ANKRD6: variants seen among roughly 807,000 people sequenced by gnomAD.
ANKRD6 encodes ankyrin repeat domain-containing protein 6.
ANKRD6 carries 56 observed loss-of-function variants against 82.3 expected under a neutral mutation model. The observed-to-expected ratio is 0.68, with a 90% CI of 0.55 to 0.85. ANKRD6 has a LOEUF of 0.85. Ranked by LOEUF, ANKRD6 falls within the 40% of genes least tolerant of loss-of-function variation. ANKRD6 has a pLI of 0.00. For synonymous variants in ANKRD6, 347 were observed against 352.1 expected, an observed-to-expected ratio of 0.99 and a Z score of 0.16; for missense variants, 852 against 907.6, an observed-to-expected ratio of 0.94 and a Z score of 0.79.
rs1785220605 is a variant in ANKRD6 at position 89,547,266 on chromosome 6, C to T, written c.-143-19568C>T. Among the ~76,000 whole-genome samples, 2 of 152,096 alleles carry T rather than the reference C, an allele frequency of 1.3e-5. 1 individual carries two copies. The highest frequency in any genetic ancestry group is 4.8e-5 in the African/African-American group (2 of 41,400). On this transcript the variant is annotated intron_variant, in intron 1 of 15. Transcript: ENST00000339746. ...ATGTAGGGGGCAGTGGTTAATCTGG[C>T]AAGGGTTGGTCTTAGAGGTGGGAAA...
chr6:89,537,896 A>AAAAAAAAAAAAAAAAAAG (rs1784034233), intron 1 of ANKRD6, among the ~76,000 whole-genome samples: 1 of 133,132 alleles, frequency 7.5e-6, no homozygotes, highest in Non-Finnish European at 1.6e-5. Flanking sequence ...AAAAAAAAAA[A>AAAAAAAAAAAAAAAAAAG]AAAAGAAAAG....
intron 1 of ANKRD6, among the ~76,000 whole-genome samples, chr6:89,480,485 TAAC>T (rs1459170488): frequency 6.6e-6 from 1 of 152,008 alleles, no homozygotes; most frequent in Non-Finnish European, 1.5e-5. Flanking sequence ...TTTAGTCACT[TAAC>T]AAAGTAATAA....
At chr6:89,522,203 T>C (rs1222029940) in intron 1 of ANKRD6, among the ~76,000 whole-genome samples, 2 of 152,220 alleles carry the variant, frequency 1.3e-5, no homozygotes, top group Non-Finnish European at 1.5e-5. Flanking sequence ...TGCAAGAATG[T>C]CTACATGATA....
intron 2 of ANKRD6, among the ~76,000 whole-genome samples, chr6:89,594,230 A>G (rs1182479624): frequency 2.0e-5 from 3 of 152,142 alleles, no homozygotes; most frequent in Non-Finnish European, 4.4e-5. Flanking sequence ...AGGCAGGCGG[A>G]TCACTTGAGC....
chr6:89,462,686 A>G (rs932332178), intron 1 of ANKRD6, among the ~76,000 whole-genome samples: 24 of 152,150 alleles, frequency 1.6e-4, no homozygotes, highest in African/African-American at 5.5e-4. Context: ...TAGAGACAGA[A>G]CAAAGTCTAT....
At chr6:89,622,427 C>T (rs1413881669) in intron 10 of ANKRD6, among the ~76,000 whole-genome samples, 1 of 152,190 alleles carries the variant, frequency 6.6e-6, no homozygotes, top group Non-Finnish European at 1.5e-5. Context: ...TCTTGGGCCT[C>T]ACCTCAAACC....
At chr6:89,629,968 T>G (rs1390945863) in intron 15 of ANKRD6, among the ~76,000 whole-genome samples, 1 of 152,190 alleles carries the variant, frequency 6.6e-6, no homozygotes, top group African/African-American at 2.4e-5. Context: ...GGGCCTCCTT[T>G]CCAAATTGGA....
chr6:89,539,873 C>CA (rs749956078), intron 1 of ANKRD6, among the ~76,000 whole-genome samples: 2,522 of 135,070 alleles, frequency 0.019, 24 homozygotes, highest in South Asian at 0.051. Flanking sequence ...TTGGATTCTA[C>CA]AAAAAAAAAA....
At chr6:89,440,617 T>C (rs543276990) in intron 1 of ANKRD6, among the ~76,000 whole-genome samples, 1 of 152,292 alleles carries the variant, frequency 6.6e-6, no homozygotes, top group South Asian at 2.1e-4. Context: ...ATCCTGATAC[T>C]TTTCATTGGA....
intron 1 of ANKRD6, among the ~76,000 whole-genome samples, chr6:89,492,539 C>T (rs1270734584): frequency 6.6e-6 from 1 of 152,190 alleles, no homozygotes; most frequent in Non-Finnish European, 1.5e-5. Context: ...ACGCACACCC[C>T]ACTAGAGGGT....
At chr6:89,555,946 G>A (rs16881936) in intron 1 of ANKRD6, among the ~76,000 whole-genome samples, 21,608 of 152,174 alleles carry the variant, frequency 0.14, 1,779 homozygotes, top group South Asian at 0.33. Context: ...GGAGAGTAAC[G>A]TGGCAGAATG....
chr6:89,596,917 T>C (rs924841074), intron 3 of ANKRD6, among the ~76,000 whole-genome samples: 38 of 152,264 alleles, frequency 2.5e-4, no homozygotes, highest in African/African-American at 9.2e-4. Flanking sequence ...GAACACAGAA[T>C]GTTGGAGTGT....
intron 2 of ANKRD6, among the ~76,000 whole-genome samples, chr6:89,583,998 C>T (rs1793173560): frequency 6.6e-6 from 1 of 152,230 alleles, no homozygotes. Flanking sequence ...TAGCAGATTG[C>T]ACTTAAAAGT....
intron 2 of ANKRD6, among the ~76,000 whole-genome samples, chr6:89,581,288 TACG>T (rs1365173851): frequency 6.6e-6 from 1 of 152,210 alleles, no homozygotes; most frequent in Non-Finnish European, 1.5e-5. Context: ...TATTGCACAG[TACG>T]ATTATGTTTG....
At chr6:89,466,667 A>G (rs1038360700) in intron 1 of ANKRD6, among the ~76,000 whole-genome samples, 2 of 151,900 alleles carry the variant, frequency 1.3e-5, no homozygotes, top group Admixed American at 6.6e-5. Flanking sequence ...CTTCCTGTAA[A>G]TTGTGAATTT....
At chr6:89,511,285 A>G (rs1317160141) in intron 1 of ANKRD6, among the ~76,000 whole-genome samples, 1 of 152,068 alleles carries the variant, frequency 6.6e-6, no homozygotes, top group East Asian at 1.9e-4. Flanking sequence ...GCTTGTAGCC[A>G]TTTCTCAGAG....
Position 89,626,690 on chromosome 6 carries a change from A to G in ANKRD6, c.1372-893A>G, listed in dbSNP as rs1296230303. ...CTTCGCGGATTGGCTCTTCCTAACA[A>G]TAGTTCCTTTCATTCTTTGGTCCTT... On this transcript the variant is annotated intron_variant, in intron 13 of 15. Transcript: ENST00000339746. Among the ~76,000 whole-genome samples, 4 of 152,222 alleles carry G rather than the reference A, an allele frequency of 2.6e-5. No individual in the cohort carries two copies. The East Asian group carries it at 7.7e-4, about 29-fold the overall frequency.
At chr6:89,525,149 C>T (rs781176831) in intron 1 of ANKRD6, among the ~76,000 whole-genome samples, 1 of 152,028 alleles carries the variant, frequency 6.6e-6, no homozygotes, top group East Asian at 1.9e-4. Flanking sequence ...CAAAAATTAG[C>T]TGGGCCTGGT....
intron 2 of ANKRD6, among the ~76,000 whole-genome samples, chr6:89,589,454 A>G (rs1794448647): frequency 1.3e-5 from 2 of 152,184 alleles, no homozygotes; most frequent in Non-Finnish European, 2.9e-5. Flanking sequence ...TGCTGGGAAC[A>G]AAAACACCTC....
Sources: allele counts gnomAD v4.1 joint callset (sites outside exome capture counted in the v4.1 genomes callset), GRCh38; gene constraint gnomAD v4.1.1; transcripts MANE v1.5; gene names NCBI Gene and HGNC (gene_info 2026-07-23, HGNC 2026-07-21).